The following RAB12 variants were observed in gnomAD, a reference collection of about 807,000 sequenced individuals.
RAB12 encodes ras-related protein Rab-12.
Under a neutral mutation model 28.4 loss-of-function variants are expected in RAB12, and 11 were observed. The observed-to-expected ratio is 0.39, with a 90% CI of 0.24 to 0.64. The LOEUF (loss-of-function observed/expected upper bound fraction) is 0.64. Ranked by LOEUF, RAB12 falls within the 30% of genes least tolerant of loss-of-function variation. RAB12 has a pLI of 0.50. For synonymous variants in RAB12, 138 were observed against 145.3 expected (o/e 0.95, Z 0.36); for missense variants, 276 against 351.1 (o/e 0.79, Z 1.71).
At chr18:8,612,093 C>G (rs568491319) in intron 1 of RAB12, among the ~76,000 whole-genome samples, 95 of 152,280 alleles carry the variant, frequency 6.2e-4, no homozygotes, top group Middle Eastern at 6.8e-3. Context: ...TGTTATGCTA[C>G]CCAGTGGGGA....
At position 8,633,193 on chromosome 18, in the gene RAB12, A is replaced by G. The variant is rs750018284; in HGVS notation, c.580A>G (p.Thr194Ala). The change falls in exon 3 of 6, where the codon ACA (threonine) becomes GCA (alanine). Residue 194 changes from threonine to alanine, a missense_variant. By Grantham distance (58) the Thr-to-Ala change is moderately conservative. Around this residue, in one of 4 missense-constraint regions of RAB12, gnomAD observed 76 missense variants for 117.9 expected, o/e 0.64. Coordinates refer to ENST00000649141, the MANE Select transcript of RAB12 (RefSeq NM_001025300.3). ...ACTTTGGCTGCTTTTTCTTAGGGAC[A>G]CAGCAGGTCAGGAGAGATTCAACAG... Reference protein sequence around the residue: ...GKKIRLQIWDTAGQERFNSIT... With the variant: ...GKKIRLQIWDAAGQERFNSIT... The G allele has an allele frequency of 6.2e-7, 1 of 1,614,040 alleles. No homozygotes were observed. The highest frequency in any genetic ancestry group is 1.7e-5 in the Admixed American group (1 of 59,986).
rs201948442 is a variant in RAB12 at position 8,638,182 on chromosome 18, A to G, written c.943A>G (p.Asn315Asp). 11 of 1,613,702 alleles carry G rather than the reference A, an allele frequency of 6.8e-6. No individual in the cohort carries two copies. Among genetic ancestry groups the G allele is most frequent in the Non-Finnish European group, 9.3e-6 (11 of 1,179,790 alleles). ...GGATATTTTAAGGAATGAGTTGTCC[A>G]ATAGTATCCTGTCGTTACAACCAGA... ...PLDILRNELSNSILSLQPEPE... is the reference protein window; with the variant it reads ...PLDILRNELSDSILSLQPEPE... The change falls in exon 6 of 6, where the codon AAT becomes GAT. Residue 315 changes from asparagine (N) to aspartate (D), a missense_variant. Physicochemically the swap from Asn to Asp is conservative, Grantham distance 23. Transcript: ENST00000649141.
chr18:8,610,327 C>G (rs1049569499), intron 1 of RAB12, among the ~76,000 whole-genome samples: 2 of 152,222 alleles, frequency 1.3e-5, no homozygotes, highest in African/African-American at 4.8e-5. Context: ...CTCGCCCGGC[C>G]CGCCAAGGCC....
At chr18:8,620,075 C>G (rs1426979446) in intron 1 of RAB12, among the ~76,000 whole-genome samples, 1 of 143,108 alleles carries the variant, frequency 7.0e-6, no homozygotes, top group Non-Finnish European at 1.5e-5. Context: ...CTGCAGTGAG[C>G]TATATAGGAT....
chr18:8,631,925 A>G (rs916409763), intron 2 of RAB12, among the ~76,000 whole-genome samples: 23 of 152,184 alleles, frequency 1.5e-4, no homozygotes, highest in Admixed American at 7.2e-4. Flanking sequence ...TTACTCTGTA[A>G]AGGATTTTCA....
intron 2 of RAB12, among the ~76,000 whole-genome samples, chr18:8,626,667 C>T (rs1056320077): frequency 1.3e-5 from 2 of 152,220 alleles, no homozygotes; most frequent in South Asian, 2.1e-4. Flanking sequence ...GAATCCCCCT[C>T]GGGGAGAAAG....
chr18:8,627,160 G>T (rs771466303), intron 2 of RAB12, among the ~76,000 whole-genome samples: 1 of 152,206 alleles, frequency 6.6e-6, no homozygotes, highest in Non-Finnish European at 1.5e-5. Flanking sequence ...TAGGAGTGAG[G>T]CACAGCCCTT....
In RAB12 at chr18:8,625,556, A is replaced by G. The variant is rs16953902; in HGVS notation, c.575+558A>G. Reference sequence around the variant, plus strand: ...TGAATCCAGGCCCCTTTCTCAAATCACAATTGGAATGAGAGACTCAACCAG... The same window carrying G: ...TGAATCCAGGCCCCTTTCTCAAATCGCAATTGGAATGAGAGACTCAACCAG... On this transcript the variant is annotated intron_variant, in intron 2 of 5. Transcript: ENST00000649141. Among the ~76,000 whole-genome samples, 834 of 152,202 alleles carry G rather than the reference A, an allele frequency of 5.5e-3. 7 individuals are homozygous for G. The highest frequency in any genetic ancestry group is 0.019 in the African/African-American group (803 of 41,518).
chr18:8,636,319 G>T lies in RAB12; in HGVS notation c.871G>T (p.Glu291Ter). Residue 291 changes from glutamate (E) to a stop codon, truncating the protein, a stop_gained, in exon 5 of 6, where the codon GAG becomes TAG. Coordinates refer to ENST00000649141, the MANE Select transcript of RAB12 (RefSeq NM_001025300.3). LOFTEE classifies it high-confidence loss of function. ...ASAKDNFNVD[E>*]IFLKLVDDIL... ...TGCCAAGGATAACTTCAATGTGGAC[G>T]AGATATTTTTGAAACTTGTCGATGA... 1 of 1,611,048 alleles carries T rather than the reference G, an allele frequency of 6.2e-7. No homozygotes were observed. The highest frequency in any genetic ancestry group is 1.1e-5 in the South Asian group (1 of 90,360).
chr18:8,612,213 C>G (rs964894833), intron 1 of RAB12, among the ~76,000 whole-genome samples: 2 of 152,226 alleles, frequency 1.3e-5, no homozygotes, highest in Non-Finnish European at 1.5e-5. Flanking sequence ...TTTGGGAGCA[C>G]AGTGAAAGCG....
At chr18:8,629,048 CTTA>C (rs2096014453) in intron 2 of RAB12, among the ~76,000 whole-genome samples, 1 of 152,080 alleles carries the variant, frequency 6.6e-6, no homozygotes, top group Non-Finnish European at 1.5e-5. Context: ...AGAAAAAATG[CTTA>C]TTATTTTTAA....
chr18:8,633,062 G>C, intron 2 of RAB12, 127 bp from the exon 3 acceptor site: 1 of 1,164,940 alleles, frequency 8.6e-7, no homozygotes, highest in South Asian at 1.3e-5. Flanking sequence ...AGGTCAAAGG[G>C]AAATAGGGGT....
chr18:8,622,179 T>C (rs2096010228), intron 1 of RAB12, among the ~76,000 whole-genome samples: 1 of 152,144 alleles, frequency 6.6e-6, no homozygotes, highest in African/African-American at 2.4e-5. Context: ...TCAAAAGAAA[T>C]ATCATCTGCC....
intron 1 of RAB12, among the ~76,000 whole-genome samples, chr18:8,617,465 T>G (rs1362570202): frequency 2.0e-5 from 3 of 151,932 alleles, no homozygotes; most frequent in Non-Finnish European, 1.5e-5. Flanking sequence ...TTTTTTTTTT[T>G]AATCTCTTCC....
At chr18:8,612,828 G>C (rs1231608274) in intron 1 of RAB12, among the ~76,000 whole-genome samples, 1 of 152,126 alleles carries the variant, frequency 6.6e-6, no homozygotes, top group African/African-American at 2.4e-5. Flanking sequence ...ACACCACCAA[G>C]CCCTTTTTTG....
chr18:8,611,955 C>T (rs1166244944), intron 1 of RAB12, among the ~76,000 whole-genome samples: 1 of 152,188 alleles, frequency 6.6e-6, no homozygotes, highest in Non-Finnish European at 1.5e-5. Flanking sequence ...ATGATCATGG[C>T]CCCTGGCCTG....
intron 1 of RAB12, among the ~76,000 whole-genome samples, chr18:8,618,907 G>A (rs55906430): frequency 0.024 from 3,655 of 152,292 alleles, 72 homozygotes; most frequent in South Asian, 0.072. Context: ...ATGCCCACAT[G>A]ACTTGATTTT....
At chr18:8,617,075 C>T (rs948208624) in intron 1 of RAB12, among the ~76,000 whole-genome samples, 5 of 152,204 alleles carry the variant, frequency 3.3e-5, no homozygotes, top group Non-Finnish European at 7.3e-5. Context: ...CTTAGGCAAG[C>T]AGCTTACCTC....
chr18:8,627,808 G>A (rs144295432), intron 2 of RAB12, among the ~76,000 whole-genome samples: 5 of 152,248 alleles, frequency 3.3e-5, no homozygotes, highest in Non-Finnish European at 5.9e-5. Flanking sequence ...TTTAACCAGC[G>A]TTCTTAGGTC....
Sources: gnomAD v4.1 joint callset for allele counts (sites outside exome capture counted in the v4.1 genomes callset) on GRCh38, gnomAD v4.1.1 for gene constraint, gnomAD v4.1.1 regional missense constraint, MANE v1.5 for transcripts, NCBI Gene and HGNC (gene_info 2026-07-23, HGNC 2026-07-21) for gene names.